CRYBG1: variants seen among roughly 807,000 people sequenced by gnomAD.
CRYBG1 encodes beta/gamma crystallin domain-containing protein 1.
Under a neutral mutation model 189.2 loss-of-function variants are expected in CRYBG1, and 139 were observed. The ratio of observed to expected loss-of-function variants is 0.73; its 90% CI spans 0.64 to 0.85. CRYBG1 has a LOEUF of 0.85. Ranked by LOEUF, CRYBG1 falls within the 40% of genes least tolerant of loss-of-function variation. CRYBG1 has a pLI of 0.00. For missense variants in CRYBG1, 2,611 were observed against 2,675.8 expected (o/e 0.98, Z 0.53); for synonymous variants, 1,023 against 1,017.1 (o/e 1.01, Z -0.11).
chr6:106,453,617 A>G (rs1771826086), intron 2 of CRYBG1, among the ~76,000 whole-genome samples: 1 of 152,258 alleles, frequency 6.6e-6, no homozygotes, highest in African/African-American at 2.4e-5. Flanking sequence ...TAAAACAAAA[A>G]TAATTATTTG....
intron 2 of CRYBG1, among the ~76,000 whole-genome samples, chr6:106,463,988 AC>A (rs1772063520): frequency 6.6e-6 from 1 of 152,224 alleles, no homozygotes; most frequent in Non-Finnish European, 1.5e-5. Flanking sequence ...CCCCAGAAAA[AC>A]ATGGGGAAAA....
At chr6:106,502,543 GA>G (rs200731943) in intron 2 of CRYBG1, among the ~76,000 whole-genome samples, 1 of 151,976 alleles carries the variant, frequency 6.6e-6, no homozygotes, top group Admixed American at 6.6e-5. Context: ...TTATGCATAA[GA>G]AAAAAAATCG....
intron 2 of CRYBG1, among the ~76,000 whole-genome samples, chr6:106,460,016 TTTTG>T (rs556511754): frequency 1.5e-3 from 232 of 151,872 alleles, no homozygotes; most frequent in African/African-American, 5.2e-3. Context: ...GCTCTTTTGT[TTTTG>T]TTTGTTTGTT....
intron 1 of CRYBG1, among the ~76,000 whole-genome samples, chr6:106,436,615 C>G (rs1771464696): frequency 6.6e-6 from 1 of 152,074 alleles, no homozygotes; most frequent in South Asian, 2.1e-4. Flanking sequence ...TACTTTTCTA[C>G]TTACCATTAT....
At position 106,512,242 on chromosome 6, in the gene CRYBG1, G is replaced by A. The variant is rs1449722277; in HGVS notation, c.1125G>A (p.Val375=). 5 of 1,543,430 alleles carry A rather than the reference G, an allele frequency of 3.2e-6. No individual in the cohort carries two copies. Among genetic ancestry groups the A allele is most frequent in the Non-Finnish European group, 3.5e-6 (4 of 1,149,130 alleles). The change falls in exon 3 of 22, where the codon GTG becomes GTA. Residue 375 remains valine (V), a synonymous_variant. Coordinates refer to ENST00000633556, the MANE Select transcript of CRYBG1 (RefSeq NM_001371242.2). ...AGGGTCACGCCCACCCTGCTAAGGT[G>A]CTAACTTTGGACATCTACTTGAGTA... ...RPKGHAHPAK[V]LTLDIYLSKT... is the part of the protein sequence containing the mutation.
At chr6:106,397,592 A>T (rs1390783486) in intron 1 of CRYBG1, among the ~76,000 whole-genome samples, 1 of 152,176 alleles carries the variant, frequency 6.6e-6, no homozygotes, top group African/African-American at 2.4e-5. Flanking sequence ...TCTCTGATAA[A>T]GGGCAGGGTG....
In CRYBG1 at chr6:106,568,510, A is replaced by G; in HGVS notation, c.6340A>G (p.Thr2114Ala). The part of the protein sequence containing the change: ...QYDQNHIILN[T>A]VSKEKFTQVW... ...TGATCAAAATCACATTATCCTCAAC[A>G]CTGTCAGCAAAGAGAAGTTTACACA... Residue 2114 changes from threonine (T) to alanine (A), a missense_variant, in exon 22 of 22, where the codon ACT becomes GCT. Transcript: ENST00000633556. 1 of 1,613,988 alleles carries G rather than the reference A, an allele frequency of 6.2e-7. No homozygotes were observed. The highest frequency in any genetic ancestry group is 8.5e-7 in the Non-Finnish European group (1 of 1,179,858).
chr6:106,537,713 C>T (rs555399636), intron 8 of CRYBG1, among the ~76,000 whole-genome samples: 3 of 152,336 alleles, frequency 2.0e-5, no homozygotes, highest in African/African-American at 7.2e-5. Flanking sequence ...TTCCCAGCAT[C>T]GCAGAAACCC....
chr6:106,472,459 A>G (rs907010718), intron 2 of CRYBG1, among the ~76,000 whole-genome samples: 1 of 152,158 alleles, frequency 6.6e-6, no homozygotes, highest in African/African-American at 2.4e-5. Flanking sequence ...CTATCTAAAG[A>G]TGTGTTTGTT....
chr6:106,459,562 A>G (rs1296549310), intron 2 of CRYBG1, among the ~76,000 whole-genome samples: 1 of 118,680 alleles, frequency 8.4e-6, no homozygotes, highest in Non-Finnish European at 1.7e-5. Context: ...TTTTTTTTTT[A>G]CTAAGAAATC....
At position 106,512,635 on chromosome 6, in the gene CRYBG1, AC is replaced by A; in HGVS notation, c.1523del (p.Pro508ArgfsTer115). On this transcript the variant is annotated frameshift_variant, in exon 3 of 22. Coordinates refer to ENST00000633556, the MANE Select transcript of CRYBG1 (RefSeq NM_001371242.2). LOFTEE classifies it high-confidence loss of function. ...GGGAGTCGGACCGGAGCAAACAGCC[AC>A]CCCCGGCTTCGTCCCCCACGAAGAG... The part of the protein sequence containing the change: ...RGESDRSKQP[P>X]PASSPTKRKG... 6.3e-7 allele frequency: 1 copy of A among 1,587,524 alleles called. No individual in the cohort carries two copies. Among genetic ancestry groups the A allele is most frequent in the South Asian group, 1.1e-5 (1 of 87,786 alleles).
chr6:106,535,747 A>C (rs1773990694), intron 8 of CRYBG1, among the ~76,000 whole-genome samples: 1 of 127,662 alleles, frequency 7.8e-6, no homozygotes, highest in East Asian at 2.3e-4. Flanking sequence ...TTTGTTTCCC[A>C]AGCCACTAAC....
chr6:106,451,701 GA>G lies in CRYBG1; in HGVS notation c.182del (p.Asp61ValfsTer2). ...TGGTTCCGTTCTTTGCAGAGCTTTGGATGTAGTCGATGGAAAATATGTGGTT... is the reference window on the plus strand; with the variant it reads ...TGGTTCCGTTCTTTGCAGAGCTTTGGTGTAGTCGATGGAAAATATGTGGTT... ...PAPAGEARALDVVDGKYVVRD... is the reference protein window; with the variant it reads ...PAPAGEARALXVVDGKYVVRD... On this transcript the variant is annotated frameshift_variant, in exon 2 of 22. Coordinates refer to ENST00000633556, the MANE Select transcript of CRYBG1 (RefSeq NM_001371242.2). LOFTEE classifies it high-confidence loss of function. 2 of 1,533,198 alleles carry G rather than the reference GA, an allele frequency of 1.3e-6. No individual in the cohort carries two copies. Among genetic ancestry groups the G allele is most frequent in the Non-Finnish European group, 1.7e-6 (2 of 1,145,560 alleles). 95.0% of individuals were successfully genotyped at this position (1,533,198 alleles called of 1,614,324 possible).
Position 106,520,375 on chromosome 6 carries a change from G to T in CRYBG1, c.3167G>T (p.Ser1056Ile), listed in dbSNP as rs41302206. 4,484 of 1,614,044 alleles carry T rather than the reference G, an allele frequency of 2.8e-3. 16 individuals carry two copies. The highest frequency in any genetic ancestry group is 3.4e-3 in the Non-Finnish European group (4,067 of 1,180,008). ...AGAACACCCCTGATGGCTGAATCCA[G>T]TCCCACCAACTCTCCCAGCAGCGGA... ...GSRTPLMAESSPTNSPSSGNH... is the reference protein window; with the variant it reads ...GSRTPLMAESIPTNSPSSGNH... The change falls in exon 4 of 22, where the codon AGT becomes ATT. Residue 1056 changes from serine (S) to isoleucine (I), a missense_variant. Transcript: ENST00000633556.
chr6:106,518,662 T>G (rs758950911), intron 3 of CRYBG1, among the ~76,000 whole-genome samples: 6 of 152,038 alleles, frequency 3.9e-5, no homozygotes, highest in Non-Finnish European at 8.8e-5. Context: ...ATAGTTTCAT[T>G]AAAAAACAAA....
intron 2 of CRYBG1, among the ~76,000 whole-genome samples, chr6:106,486,881 C>G (rs957756214): frequency 3.9e-5 from 6 of 152,008 alleles, no homozygotes; most frequent in African/African-American, 1.2e-4. Context: ...TATCTTTTAA[C>G]TGGAGAATTT....
chr6:106,487,356 T>A (rs927105225), intron 2 of CRYBG1, among the ~76,000 whole-genome samples: 2 of 152,196 alleles, frequency 1.3e-5, no homozygotes, highest in Admixed American at 6.5e-5. Context: ...TGGTTATGGA[T>A]TTACCTATAT....
chr6:106,422,573 T>A (rs566229225), intron 1 of CRYBG1, among the ~76,000 whole-genome samples: 44 of 70,066 alleles, frequency 6.3e-4, no homozygotes, highest in African/African-American at 5.0e-3. Context: ...CCTCAAGTAA[T>A]CCACCCCCCT....
At chr6:106,364,763 T>C (rs547352674) in intron 1 of CRYBG1, among the ~76,000 whole-genome samples, 1 of 152,366 alleles carries the variant, frequency 6.6e-6, no homozygotes, top group South Asian at 2.1e-4. Context: ...GAATGTGGAT[T>C]CTCTACTTGG....
Sources: gnomAD v4.1 joint callset for allele counts (sites outside exome capture counted in the v4.1 genomes callset) on GRCh38, gnomAD v4.1.1 for gene constraint, MANE v1.5 for transcripts, NCBI Gene and HGNC (gene_info 2026-07-23, HGNC 2026-07-21) for gene names.